The following CLASP1 variants were observed in gnomAD, a reference collection of about 807,000 sequenced individuals.
The protein encoded by CLASP1 is CLIP-associating protein 1.
In CLASP1, 38 loss-of-function variants were observed where a neutral mutation model predicts 192.3. That is an observed-to-expected ratio of 0.20 (90% CI 0.15 to 0.26). The LOEUF is 0.26. CLASP1 is among the 10% of genes least tolerant of loss of function. The probability of loss-of-function intolerance (pLI) is 1.00; values close to 1 mark genes in which losing one functional copy is unlikely to be tolerated. For synonymous variants in CLASP1, 691 were observed against 712.8 expected (o/e 0.97, Z 0.49); for missense variants, 1,433 against 1,932.5 (o/e 0.74, Z 4.85).
chr2:121,571,074 T>C (rs1488974504), intron 2 of CLASP1, among the ~76,000 whole-genome samples: 1 of 152,034 alleles, frequency 6.6e-6, no homozygotes. Context: ...GTTTTTTTAA[T>C]GACAAGGCAC....
At chr2:121,376,526 T>TGGGGGGGGTTGGGGGGGGAAGGGGG (rs2070199181) in intron 34 of CLASP1, among the ~76,000 whole-genome samples, 1 of 105,134 alleles carries the variant, frequency 9.5e-6, no homozygotes. Context: ...TGGGAAGGGG[T>TGGGGGGGGTTGGGGGGGGAAGGGGG]GGGGGGGGGG....
intron 2 of CLASP1, among the ~76,000 whole-genome samples, chr2:121,594,585 G>T (rs1351345136): frequency 2.0e-5 from 3 of 151,832 alleles, no homozygotes; most frequent in African/African-American, 7.3e-5. Flanking sequence ...TAGAGACGGG[G>T]TTTCACCTTG....
At chr2:121,619,264 C>T (rs2066938141) in intron 1 of CLASP1, among the ~76,000 whole-genome samples, 1 of 152,032 alleles carries the variant, frequency 6.6e-6, no homozygotes, top group African/African-American at 2.4e-5. Context: ...AATTACAGGC[C>T]CCTTAATCTT....
At position 121,413,434 on chromosome 2, in the gene CLASP1, T is replaced by C. The variant is rs542661934; in HGVS notation, c.2321-2465A>G. On this transcript the variant is annotated intron_variant, in intron 23 of 39. Coordinates refer to ENST00000263710, the Ensembl canonical transcript of CLASP1. ...GAAAATTGTAGTCATTAGGGACTGT[T>C]AGCATATAAAAATAGTGGCAGTTAA... 1.6e-4 allele frequency among the ~76,000 whole-genome samples: 25 copies of C among 152,344 alleles called. No individual in the cohort carries two copies. In the South Asian group the frequency reaches 4.6e-3, roughly 28 times the overall value.
At chr2:121,612,215 TGGA>T (rs1322396758) in intron 1 of CLASP1, among the ~76,000 whole-genome samples, 3 of 111,794 alleles carry the variant, frequency 2.7e-5, no homozygotes, top group East Asian at 5.1e-4. Flanking sequence ...GAAGAGGAGC[TGGA>T]GGAGGAGTTA....
Position 121,515,384 on chromosome 2 carries a change from G to GT in CLASP1, c.644+280dup, listed in dbSNP as rs573193344. On this transcript the variant is annotated intron_variant, in intron 7 of 39. Transcript: ENST00000263710. ...ATCATAGATACAGAACCATAAAACT[G>GT]TAAGAGTGCTGAATTTTTCAATACC... is the stretch of plus-strand genomic sequence containing the variant. Among the ~76,000 whole-genome samples, 14 of 152,248 alleles carry GT rather than the reference G, an allele frequency of 9.2e-5. No individual in the cohort carries two copies. The South Asian group carries it at 2.3e-3, about 25-fold the overall frequency.
exon 35 of CLASP1, chr2:121,367,622 A>T (rs779499735): frequency 6.2e-7 from 1 of 1,613,940 alleles, no homozygotes; most frequent in African/African-American, 1.3e-5. Context: ...CATCGAACAC[A>T]GCCTCTTTCA....
chr2:121,393,779 A>G lies in CLASP1; in HGVS notation c.3123+3361T>C, dbSNP rs141549793. Reference sequence around the variant, plus strand: ...ATCTATTTTAATACTGTCCTATGATACATCTATTTGAATCAAAAGTAATGC... The same window carrying G: ...ATCTATTTTAATACTGTCCTATGATGCATCTATTTGAATCAAAAGTAATGC... On this transcript the variant is annotated intron_variant, in intron 30 of 39. Transcript: ENST00000263710. 1.5e-3 allele frequency among the ~76,000 whole-genome samples: 232 copies of G among 152,270 alleles called. 1 individual carries two copies. The highest frequency in any genetic ancestry group is 0.014 in the Admixed American group (209 of 15,296).
intron 38 of CLASP1, among the ~76,000 whole-genome samples, 198 bp downstream of exon 39, chr2:121,348,314 A>G (rs906029448): frequency 6.6e-6 from 1 of 152,204 alleles, no homozygotes; most frequent in Non-Finnish European, 1.5e-5. Flanking sequence ...AAGCATTCTT[A>G]GTGCATTCAG....
chr2:121,634,605 C>A (rs892375182), intron 1 of CLASP1, among the ~76,000 whole-genome samples: 1 of 152,150 alleles, frequency 6.6e-6, no homozygotes, highest in Non-Finnish European at 1.5e-5. Flanking sequence ...CCTCCTTTGG[C>A]CACTTCAGAA....
intron 13 of CLASP1, among the ~76,000 whole-genome samples, chr2:121,458,384 G>A (rs556321211): frequency 6.6e-6 from 1 of 152,264 alleles, no homozygotes; most frequent in South Asian, 2.1e-4. Flanking sequence ...AAACAAACAA[G>A]TGCCTAGAAA....
At chr2:121,531,033 T>A (rs142168851) in intron 2 of CLASP1, 3 of 699,812 alleles carry the variant, frequency 4.3e-6, no homozygotes, top group Admixed American at 2.0e-5. Context: ...CATAGACTTA[T>A]CAGTTCAAAC....
intron 2 of CLASP1, among the ~76,000 whole-genome samples, chr2:121,559,085 A>G (rs1385085220): frequency 2.0e-5 from 3 of 152,242 alleles, no homozygotes; most frequent in Non-Finnish European, 4.4e-5. Flanking sequence ...ATGGAGGGAA[A>G]GAAGGTGTGG....
chr2:121,535,897 A>G (rs2095053185), intron 2 of CLASP1, among the ~76,000 whole-genome samples: 1 of 151,826 alleles, frequency 6.6e-6, no homozygotes, highest in Non-Finnish European at 1.5e-5. Flanking sequence ...TCTGGACTCA[A>G]GCGATCCGAC....
intron 25 of CLASP1, among the ~76,000 whole-genome samples, chr2:121,405,360 A>C (rs2076752295): frequency 1.3e-5 from 2 of 152,272 alleles, no homozygotes; most frequent in South Asian, 4.2e-4. Context: ...TAAGCCTGTG[A>C]TTTCCTTATT....
chr2:121,629,364 TGG>T (rs2069030240), intron 1 of CLASP1, among the ~76,000 whole-genome samples: 4 of 151,752 alleles, frequency 2.6e-5, no homozygotes, highest in Admixed American at 6.6e-5. Context: ...CACTCCAGCC[TGG>T]GTGATAAAGC....
chr2:121,434,982 CT>C (rs1031586210), intron 19 of CLASP1, among the ~76,000 whole-genome samples: 1 of 151,766 alleles, frequency 6.6e-6, no homozygotes, highest in Admixed American at 6.6e-5. Flanking sequence ...TCTACTGATC[CT>C]TTGTCTTCTA....
intron 2 of CLASP1, among the ~76,000 whole-genome samples, chr2:121,575,355 C>T (rs956901020): frequency 2.0e-5 from 3 of 152,100 alleles, no homozygotes; most frequent in African/African-American, 7.2e-5. Context: ...AATCTGCCTG[C>T]CTTGGCCTCC....
chr2:121,402,022 T>C (rs1302463797), intron 26 of CLASP1, among the ~76,000 whole-genome samples, 152 bp from the exon 28 acceptor site: 3 of 152,234 alleles, frequency 2.0e-5, no homozygotes, highest in Admixed American at 2.0e-4. Context: ...AATGTAAGTC[T>C]TTAAAAAGCA....
Sources: allele counts gnomAD v4.1 joint callset (sites outside exome capture counted in the v4.1 genomes callset), GRCh38; gene constraint gnomAD v4.1.1; transcripts MANE v1.5; gene names NCBI Gene and HGNC (gene_info 2026-07-23, HGNC 2026-07-21).